Variants in MBD5 observed in about 807,000 individuals in gnomAD.
MBD5 encodes methyl-CpG binding domain protein 5.
Under a neutral mutation model 117.3 loss-of-function variants are expected in MBD5, and 13 were observed. That is an observed-to-expected ratio of 0.11 (90% confidence interval 0.07 to 0.18). The LOEUF (loss-of-function observed/expected upper bound fraction) is 0.18, where lower values mean the gene tolerates loss of function less well. MBD5 is among the 10% of genes least tolerant of loss of function. The probability of loss-of-function intolerance (pLI) is 1.00; values close to 1 mark genes in which losing one functional copy is unlikely to be tolerated. For missense variants in MBD5, 1,879 were observed against 2,093.8 expected (o/e 0.90, Z 2.00); for synonymous variants, 727 against 766.4 (o/e 0.95, Z 0.85).
chr2:148,189,114 G>A (rs1185925594), intron 2 of MBD5, among the ~76,000 whole-genome samples: 3 of 144,716 alleles, frequency 2.1e-5, no homozygotes, highest in Non-Finnish European at 4.5e-5. Flanking sequence ...CTACGCCCAC[G>A]GAATCTCGCT....
intron 2 of MBD5, among the ~76,000 whole-genome samples, chr2:148,206,393 T>C (rs1699283978): frequency 6.6e-6 from 1 of 152,184 alleles, no homozygotes; most frequent in South Asian, 2.1e-4. Flanking sequence ...TTTTGATACA[T>C]GTATACAGTG....
At chr2:148,211,602 G>A (rs1233483289) in intron 2 of MBD5, among the ~76,000 whole-genome samples, 1 of 151,852 alleles carries the variant, frequency 6.6e-6, no homozygotes, top group Admixed American at 6.6e-5. Flanking sequence ...AGTATCTGAG[G>A]AACTCTTTTA....
chr2:148,211,052 G>C lies in MBD5; in HGVS notation c.-830-22193G>C, dbSNP rs138884923. On this transcript the variant is annotated intron_variant, in intron 2 of 13. Coordinates refer to ENST00000642680, the MANE Select transcript of MBD5 (RefSeq NM_001378120.1). Reference sequence around the variant, plus strand: ...GGGATCATTCAGCATATTTTCATACGTGAATCAGCAAACCAATTTATAAGT... The same window carrying C: ...GGGATCATTCAGCATATTTTCATACCTGAATCAGCAAACCAATTTATAAGT... Among the ~76,000 whole-genome samples the C allele has an allele frequency of 2.0e-5, 3 of 152,086 alleles. No homozygotes were observed. The East Asian group carries it at 5.8e-4, about 29-fold the overall frequency.
At position 148,384,792 on chromosome 2, in the gene MBD5, C is replaced by T. The variant is rs577736077; in HGVS notation, c.-557+42456C>T. Among the ~76,000 whole-genome samples the T allele has an allele frequency of 2.6e-5, 4 of 152,078 alleles. 1 individual carries two copies. The South Asian group carries it at 8.3e-4, about 32-fold the overall frequency. ...TAGACCAATGGAACAGAACAGAGCC[C>T]TCAGAAGTAATGCCACATATCTACA... is the stretch of plus-strand genomic sequence containing the variant. On this transcript the variant is annotated intron_variant, in intron 4 of 13. Coordinates refer to ENST00000642680, the MANE Select transcript of MBD5 (RefSeq NM_001378120.1).
chr2:148,279,217 G>A (rs1701182743), intron 3 of MBD5, among the ~76,000 whole-genome samples: 1 of 152,158 alleles, frequency 6.6e-6, no homozygotes, highest in Non-Finnish European at 1.5e-5. Flanking sequence ...ATCACTTGAG[G>A]CCAGGAGTTC....
chr2:148,255,646 G>A (rs1272142822), intron 3 of MBD5, among the ~76,000 whole-genome samples: 1 of 152,160 alleles, frequency 6.6e-6, no homozygotes, highest in Non-Finnish European at 1.5e-5. Context: ...CTGAATGGGG[G>A]TGGCAGCCTG....
At chr2:148,186,459 A>G (rs1467407190) in intron 2 of MBD5, among the ~76,000 whole-genome samples, 1 of 152,240 alleles carries the variant, frequency 6.6e-6, no homozygotes, top group Admixed American at 6.5e-5. Flanking sequence ...CTTTCATGTA[A>G]TTTGTCAACA....
rs1163438737 is a variant in MBD5, at chr2:148,469,061, C to A, written c.1118C>A (p.Pro373His). 1 of 1,613,930 alleles carries A rather than the reference C, an allele frequency of 6.2e-7. No homozygotes were observed. The highest frequency in any genetic ancestry group is 8.5e-7 in the Non-Finnish European group (1 of 1,179,988). ...CCTAGTAAACCAGTGAATCAGAACC[C>A]TGTTATCATTAATCCAACCAGTTTC... Reference protein sequence around the residue: ...PIPSKPVNQNPVIINPTSFHS... With the variant: ...PIPSKPVNQNHVIINPTSFHS... Residue 373 changes from proline (P) to histidine (H), a missense_variant, in exon 8 of 14, where the codon CCT (proline) becomes CAT (histidine). This residue lies in a region of MBD5 where 1,666 missense variants were observed against 1,792.2 expected (regional missense o/e 0.93). Transcript: ENST00000642680.
chr2:148,502,464 CAGA>C lies in MBD5; in HGVS notation c.4994_4996del (p.Glu1665del), dbSNP rs1559105485. 2 of 1,614,172 alleles carry C rather than the reference CAGA, an allele frequency of 1.2e-6. No homozygotes were observed. Among genetic ancestry groups the C allele is most frequent in the Non-Finnish European group, 1.7e-6 (2 of 1,180,012 alleles). On this transcript the variant is annotated inframe_deletion, in exon 12 of 14. Coordinates refer to ENST00000642680, the MANE Select transcript of MBD5 (RefSeq NM_001378120.1). ...GAGCCCGAGAAGTTGAAGACACTAACAGAAGGTTTGGAAGCCTACAGCCGTGTC... is the reference window on the plus strand; with the variant it reads ...GAGCCCGAGAAGTTGAAGACACTAACAGGTTTGGAAGCCTACAGCCGTGTC...
intron 4 of MBD5, among the ~76,000 whole-genome samples, chr2:148,451,676 A>G (rs578170875): frequency 9.7e-4 from 147 of 152,316 alleles, no homozygotes; most frequent in Non-Finnish European, 1.8e-3. Flanking sequence ...TTTTAATCCA[A>G]TCATGTCTGT....
chr2:148,121,938 A>C lies in MBD5; in HGVS notation c.-924-56762A>C, dbSNP rs1696778425. On this transcript the variant is annotated intron_variant, in intron 1 of 13. Coordinates refer to ENST00000642680, the MANE Select transcript of MBD5 (RefSeq NM_001378120.1). ...TGTTATGAGTTAGACATATAGGTCT[A>C]AGAAGAAATTTTAAAAAGAAATTCT... Among the ~76,000 whole-genome samples, 3 of 152,168 alleles carry C rather than the reference A, an allele frequency of 2.0e-5. No individual in the cohort carries two copies. The South Asian group carries it at 6.2e-4, about 32-fold the overall frequency.
rs541066210 is a variant in MBD5 at position 148,313,649 on chromosome 2, C to T, written c.-679-28565C>T. 7.2e-5 allele frequency among the ~76,000 whole-genome samples: 11 copies of T among 152,252 alleles called. No individual in the cohort carries two copies. The South Asian group carries it at 1.2e-3, about 17-fold the overall frequency. ...TCAGCCCCCTTTCCAGGGGAGTGAA[C>T]GGTTCTGTCTCATTGGCATTCCAGG... On this transcript the variant is annotated intron_variant, in intron 3 of 13. Transcript: ENST00000642680.
chr2:148,196,023 A>C (rs1363580837), intron 2 of MBD5, among the ~76,000 whole-genome samples: 2 of 152,176 alleles, frequency 1.3e-5, no homozygotes, highest in African/African-American at 4.8e-5. Context: ...CTTGATGATG[A>C]CAGCCCTCAA....
chr2:148,401,050 G>A (rs970233377), intron 4 of MBD5, among the ~76,000 whole-genome samples: 4 of 152,098 alleles, frequency 2.6e-5, no homozygotes, highest in African/African-American at 9.7e-5. Context: ...TCTAGCTCTT[G>A]TTTTGTCATC....
intron 1 of MBD5, among the ~76,000 whole-genome samples, chr2:148,090,339 A>G (rs1228089952): frequency 1.3e-5 from 2 of 152,142 alleles, no homozygotes; most frequent in South Asian, 4.1e-4. Flanking sequence ...AAATCATTCT[A>G]TGAAGCCAGT....
At chr2:148,402,411 A>G (rs1371362186) in intron 4 of MBD5, among the ~76,000 whole-genome samples, 1 of 152,096 alleles carries the variant, frequency 6.6e-6, no homozygotes, top group Non-Finnish European at 1.5e-5. Context: ...AACAGCACAT[A>G]TTTAAAGAGT....
chr2:148,404,223 AC>A (rs1287969906), intron 4 of MBD5, among the ~76,000 whole-genome samples: 7 of 151,992 alleles, frequency 4.6e-5, no homozygotes, highest in South Asian at 4.1e-4. Context: ...TTAGAAAAAA[AC>A]ATTTGATCTT....
intron 12 of MBD5, among the ~76,000 whole-genome samples, chr2:148,509,393 G>T (rs1021425845): frequency 2.0e-5 from 3 of 152,206 alleles, no homozygotes; most frequent in Admixed American, 1.3e-4. Context: ...CATGTGTAAT[G>T]GAATGCTAAG....
At chr2:148,402,118 T>C (rs1374684036) in intron 4 of MBD5, among the ~76,000 whole-genome samples, 1 of 152,192 alleles carries the variant, frequency 6.6e-6, no homozygotes, top group Non-Finnish European at 1.5e-5. Flanking sequence ...ATCAGGCTTC[T>C]GCACTGTAAA....
Sources: allele counts gnomAD v4.1 joint callset (sites outside exome capture counted in the v4.1 genomes callset), GRCh38; gene constraint gnomAD v4.1.1; regional missense constraint gnomAD v4.1.1; transcripts MANE v1.5; gene names NCBI Gene and HGNC (gene_info 2026-07-23, HGNC 2026-07-21).